GXYLT2: variants seen among roughly 807,000 people sequenced by gnomAD.
GXYLT2 encodes glucoside xylosyltransferase 2.
GXYLT2 carries 53 observed loss-of-function variants against 45.8 expected under a neutral mutation model. That is an observed-to-expected ratio of 1.16 (90% CI 0.93 to 1.46). The LOEUF (loss-of-function observed/expected upper bound fraction) is 1.46. GXYLT2 is among the 40% of genes most tolerant of loss of function. The pLI, the probability that GXYLT2 is intolerant of heterozygous loss-of-function variation, is 0.00. For missense variants in GXYLT2, 551 were observed against 544.4 expected, an observed-to-expected ratio of 1.01 and a Z score of -0.12; for synonymous variants, 219 against 214.2, an observed-to-expected ratio of 1.02 and a Z score of -0.19.
At position 72,967,531 on chromosome 3, in the gene GXYLT2, C is replaced by A; in HGVS notation, c.977-16C>A. The A allele has an allele frequency of 1.2e-6, 2 of 1,608,610 alleles. No individual in the cohort carries two copies. Among genetic ancestry groups the A allele is most frequent in the Non-Finnish European group, 1.7e-6 (2 of 1,175,900 alleles). ...ACTAACCGTGGACATATATGTCTTT[C>A]TCTTTTTACCACCAGAGTGTCTCTA... is the stretch of plus-strand genomic sequence containing the variant. On this transcript the variant is annotated splice_polypyrimidine_tract_variant and intron_variant, in intron 5 of 6. Transcript: ENST00000389617.
rs1372287758 is a variant in GXYLT2 at position 72,975,047 on chromosome 3, A to G, written c.1220A>G (p.His407Arg). The G allele has an allele frequency of 6.2e-7, 1 of 1,613,318 alleles. No individual in the cohort carries two copies. The highest frequency in any genetic ancestry group is 1.1e-5 in the South Asian group (1 of 91,000). The change falls in exon 7 of 7, where the codon CAC becomes CGC. Residue 407 changes from histidine (H) to arginine (R), a missense_variant. His to Arg is a conservative substitution (Grantham distance 29). Transcript: ENST00000389617. ...PLQLKFLETV[H>R]TLCGRIPQVF... is the part of the protein sequence containing the mutation. ...CAGCTGAAGTTTTTGGAGACTGTGC[A>G]CACTTTATGTGGACGAATCCCGCAA...
At chr3:72,949,435 C>G (rs550674374) in intron 3 of GXYLT2, among the ~76,000 whole-genome samples, 11 of 151,896 alleles carry the variant, frequency 7.2e-5, no homozygotes, top group African/African-American at 2.4e-4. Context: ...TTTGCTTTGC[C>G]CCTTTTCTGT....
chr3:72,943,472 G>A (rs963984957), intron 3 of GXYLT2, among the ~76,000 whole-genome samples: 1 of 151,050 alleles, frequency 6.6e-6, no homozygotes, highest in African/African-American at 2.4e-5. Context: ...GATCTCCTGA[G>A]CTCAAGTGAT....
At chr3:72,919,769 G>C (rs1261620405) in intron 2 of GXYLT2, among the ~76,000 whole-genome samples, 1 of 152,016 alleles carries the variant, frequency 6.6e-6, no homozygotes, top group African/African-American at 2.4e-5. Context: ...ACAAAAAGAA[G>C]TTCAGGTGAG....
chr3:72,905,129 G>C (rs185755529), intron 1 of GXYLT2, among the ~76,000 whole-genome samples: 8 of 146,802 alleles, frequency 5.4e-5, no homozygotes, highest in Admixed American at 2.1e-4. Context: ...TCCTGCATTT[G>C]TTTTCTTTGA....
At chr3:72,928,785 C>CAAAA (rs10688804) in intron 3 of GXYLT2, among the ~76,000 whole-genome samples, 4 of 150,226 alleles carry the variant, frequency 2.7e-5, no homozygotes, top group African/African-American at 9.8e-5. Flanking sequence ...GAAATAACTC[C>CAAAA]AAAAAAAAAC....
At chr3:72,911,857 G>A (rs973696629) in intron 2 of GXYLT2, among the ~76,000 whole-genome samples, 2 of 151,120 alleles carry the variant, frequency 1.3e-5, no homozygotes, top group African/African-American at 2.4e-5. Flanking sequence ...ATCCTTGAAC[G>A]CCTGGGCTCA....
chr3:72,900,045 G>T (rs1283714174), intron 1 of GXYLT2, among the ~76,000 whole-genome samples: 1 of 152,180 alleles, frequency 6.6e-6, no homozygotes, highest in Non-Finnish European at 1.5e-5. Context: ...TTCAGGAGAA[G>T]CGCTGATAAG....
At chr3:72,915,247 A>G (rs1029568745) in intron 2 of GXYLT2, among the ~76,000 whole-genome samples, 1 of 150,746 alleles carries the variant, frequency 6.6e-6, no homozygotes, top group Non-Finnish European at 1.5e-5. Flanking sequence ...TTTTTCCTTT[A>G]AAGAAAGAAA....
Position 72,908,096 on chromosome 3 carries a change from G to A in GXYLT2, c.276-271G>A, listed in dbSNP as rs184311509. Reference sequence around the variant, plus strand: ...ACATGGGCCAGTAGGCAGCCAGCAGGCACCAGACAGCTGAGTGCTGGCAGA... The same window carrying A: ...ACATGGGCCAGTAGGCAGCCAGCAGACACCAGACAGCTGAGTGCTGGCAGA... On this transcript the variant is annotated intron_variant, in intron 1 of 6. Coordinates refer to ENST00000389617, the MANE Select transcript of GXYLT2 (RefSeq NM_001080393.2). The A allele has an allele frequency of 2.9e-3, 947 of 329,338 alleles. 3 individuals are homozygous for A. Among genetic ancestry groups the A allele is most frequent in the Middle Eastern group, 0.011 (13 of 1,142 alleles). 20.4% of individuals were successfully genotyped at this position (329,338 alleles called of 1,614,324 possible).
At position 72,952,314 on chromosome 3, in the gene GXYLT2, T is replaced by C. The variant is rs535597467; in HGVS notation, c.601-2784T>C. Among the ~76,000 whole-genome samples the C allele has an allele frequency of 5.6e-4, 86 of 152,324 alleles. 1 individual carries two copies. The South Asian group carries it at 0.017, about 31-fold the overall frequency. On this transcript the variant is annotated intron_variant, in intron 3 of 6. Transcript: ENST00000389617. ...CAAATTCTTAAAATGGATGTTAAGA[T>C]AATCTTCATTTATGAAATGGTAGAT...
At chr3:72,942,334 A>G (rs1710318061) in intron 3 of GXYLT2, among the ~76,000 whole-genome samples, 1 of 152,198 alleles carries the variant, frequency 6.6e-6, no homozygotes, top group South Asian at 2.1e-4. Context: ...TTCCTTATAG[A>G]AAATTCCAGT....
chr3:72,930,132 C>G (rs1407816777), intron 3 of GXYLT2, among the ~76,000 whole-genome samples: 1 of 150,692 alleles, frequency 6.6e-6, no homozygotes, highest in East Asian at 2.0e-4. Flanking sequence ...CGTCATTGCA[C>G]TCTAGCTTGG....
chr3:72,958,559 A>T (rs1710696818), intron 5 of GXYLT2, among the ~76,000 whole-genome samples: 1 of 150,910 alleles, frequency 6.6e-6, no homozygotes, highest in South Asian at 2.1e-4. Flanking sequence ...GTTGATACAG[A>T]GTTTCTTGGA....
intron 2 of GXYLT2, among the ~76,000 whole-genome samples, chr3:72,913,493 G>A (rs1366034859): frequency 1.3e-5 from 2 of 151,752 alleles, no homozygotes; most frequent in Admixed American, 6.6e-5. Context: ...TCCGGAGTTC[G>A]AGACCAGTCT....
intron 3 of GXYLT2, among the ~76,000 whole-genome samples, chr3:72,933,360 A>AATAT (rs1710080656): frequency 6.6e-6 from 1 of 152,206 alleles, no homozygotes; most frequent in African/African-American, 2.4e-5. Context: ...ATTAGATGCT[A>AATAT]ATAGTTGCAG....
chr3:72,910,076 G>C (rs1298606948), intron 2 of GXYLT2, among the ~76,000 whole-genome samples: 1 of 152,130 alleles, frequency 6.6e-6, no homozygotes, highest in African/African-American at 2.4e-5. Flanking sequence ...AAGGGTGAAG[G>C]AAAAGGGCTG....
chr3:72,920,218 T>C (rs987301453), intron 2 of GXYLT2, among the ~76,000 whole-genome samples: 2 of 152,190 alleles, frequency 1.3e-5, no homozygotes, highest in Admixed American at 1.3e-4. Flanking sequence ...CACTGCAGCC[T>C]CCGCCTTCCG....
At chr3:72,958,784 A>G (rs1268419168) in intron 5 of GXYLT2, among the ~76,000 whole-genome samples, 1 of 151,744 alleles carries the variant, frequency 6.6e-6, no homozygotes, top group Non-Finnish European at 1.5e-5. Context: ...GGAGTGTGCC[A>G]CTATGCCTGG....
Sources: gnomAD v4.1 joint callset for allele counts (sites outside exome capture counted in the v4.1 genomes callset) on GRCh38, gnomAD v4.1.1 for gene constraint, MANE v1.5 for transcripts, NCBI Gene and HGNC (gene_info 2026-07-23, HGNC 2026-07-21) for gene names.